Variants in DLGAP1 observed in about 807,000 individuals in gnomAD.
The protein encoded by DLGAP1 is DLG associated protein 1.
A neutral mutation model predicts 90.8 loss-of-function variants in DLGAP1; 11 were observed. The ratio of observed to expected loss-of-function variants is 0.12; its 90% CI spans 0.08 to 0.20. DLGAP1 has a LOEUF of 0.20. Ranked by LOEUF, DLGAP1 falls within the 10% of genes least tolerant of loss-of-function variation. The pLI is 1.00. For missense variants in DLGAP1, 1,050 were observed against 1,333.8 expected, an observed-to-expected ratio of 0.79 and a Z score of 3.31; for synonymous variants, 558 against 540.7, an observed-to-expected ratio of 1.03 and a Z score of -0.44.
At chr18:4,387,776 C>A (rs760223816) in intron 1 of DLGAP1, among the ~76,000 whole-genome samples, 1 of 152,242 alleles carries the variant, frequency 6.6e-6, no homozygotes, top group South Asian at 2.1e-4. Flanking sequence ...ACTAAAAATA[C>A]AAAAATTAGT....
intron 2 of DLGAP1, among the ~76,000 whole-genome samples, chr18:4,007,393 C>G (rs1044184677): frequency 1.3e-5 from 2 of 152,160 alleles, no homozygotes; most frequent in African/African-American, 4.8e-5. Flanking sequence ...CAGTGGCTCA[C>G]GCCTGTAATC....
At chr18:4,171,409 C>T (rs952282371) in intron 1 of DLGAP1, among the ~76,000 whole-genome samples, 6 of 151,446 alleles carry the variant, frequency 4.0e-5, no homozygotes, top group East Asian at 1.9e-4. Context: ...ACTAAAAATA[C>T]AAAAAATCAG....
chr18:3,821,510 C>T (rs957782990), intron 4 of DLGAP1, among the ~76,000 whole-genome samples: 11 of 152,140 alleles, frequency 7.2e-5, no homozygotes, highest in African/African-American at 2.7e-4. Flanking sequence ...TAAAATGTAA[C>T]CATTCAAATA....
chr18:4,435,191 T>C (rs1466120159), intron 1 of DLGAP1, among the ~76,000 whole-genome samples: 3 of 152,134 alleles, frequency 2.0e-5, no homozygotes, highest in East Asian at 3.9e-4. Context: ...GGAAAAGAGA[T>C]GATGCAGGTA....
chr18:4,428,879 A>G (rs1265828890), intron 1 of DLGAP1, among the ~76,000 whole-genome samples: 1 of 152,106 alleles, frequency 6.6e-6, no homozygotes, highest in East Asian at 1.9e-4. Flanking sequence ...AAATTCTTCC[A>G]CCACATTAAA....
intron 7 of DLGAP1, chr18:3,596,555 CTTTT>C: frequency 7.3e-5 from 14 of 191,690 alleles, no homozygotes; most frequent in South Asian, 2.0e-4. Context: ...GTTAGGAGAA[CTTTT>C]TTTTTTTTTT....
In DLGAP1 at chr18:3,846,043, GGTGTGTGT is replaced by G. The variant is rs35460885; in HGVS notation, c.958-31778_958-31771del. On this transcript the variant is annotated intron_variant, in intron 4 of 12. Coordinates refer to ENST00000315677, the MANE Select transcript of DLGAP1 (RefSeq NM_004746.4). Reference sequence around the variant, plus strand: ...TCCCAGAAAATCTTATTGAAAGTGTGGTGTGTGTGTGTGTGTGTGTGTGTGTGTGTGTG... The same window carrying G: ...TCCCAGAAAATCTTATTGAAAGTGTGGTGTGTGTGTGTGTGTGTGTGTGTG... 9.7e-5 allele frequency among the ~76,000 whole-genome samples: 14 copies of G among 145,016 alleles called. 1 individual carries two copies. Among genetic ancestry groups the G allele is most frequent in the African/African-American group, 1.5e-4 (6 of 38,980 alleles).
intron 2 of DLGAP1, among the ~76,000 whole-genome samples, chr18:4,071,635 CT>C (rs2075448820): frequency 6.6e-6 from 1 of 152,148 alleles, no homozygotes; most frequent in Non-Finnish European, 1.5e-5. Context: ...AGTGCTTACT[CT>C]TTCACAATGT....
At chr18:3,697,639 T>G (rs59603670) in intron 7 of DLGAP1, among the ~76,000 whole-genome samples, 42,518 of 151,988 alleles carry the variant, frequency 0.28, 6,970 homozygotes, top group East Asian at 0.46. Context: ...GTGTGATGTG[T>G]TGCTGAGAAG....
intron 3 of DLGAP1, among the ~76,000 whole-genome samples, chr18:3,882,692 C>T (rs925158302): frequency 6.6e-6 from 1 of 152,102 alleles, no homozygotes; most frequent in Non-Finnish European, 1.5e-5. Flanking sequence ...TTTCCAAGCT[C>T]GGATCTTCCG....
intron 6 of DLGAP1, among the ~76,000 whole-genome samples, chr18:3,737,396 C>T (rs1445381592): frequency 1.4e-5 from 2 of 145,968 alleles, no homozygotes; most frequent in Non-Finnish European, 3.0e-5. Context: ...CAAAACGAAT[C>T]CAGCAGCACA....
At chr18:3,845,833 A>G (rs2068977388) in intron 4 of DLGAP1, among the ~76,000 whole-genome samples, 1 of 152,246 alleles carries the variant, frequency 6.6e-6, no homozygotes, top group Admixed American at 6.5e-5. Flanking sequence ...TAACAAACAG[A>G]GAGATTTTAA....
intron 3 of DLGAP1, among the ~76,000 whole-genome samples, chr18:3,974,711 T>A (rs1371991228): frequency 6.6e-6 from 1 of 152,070 alleles, no homozygotes; most frequent in Non-Finnish European, 1.5e-5. Context: ...AGACCTAACA[T>A]AAAAAGGAGG....
At chr18:4,295,132 G>A (rs763327859) in intron 1 of DLGAP1, 3 of 152,244 alleles carry the variant, frequency 2.0e-5, no homozygotes, top group Non-Finnish European at 4.4e-5. Flanking sequence ...CTAGAGGGTG[G>A]GGCTTTTGCT....
intron 7 of DLGAP1, among the ~76,000 whole-genome samples, chr18:3,650,338 C>G: frequency 6.6e-6 from 1 of 152,134 alleles, no homozygotes; most frequent in Non-Finnish European, 1.5e-5. Flanking sequence ...GTCACCGTGC[C>G]TGGTTGAAAC....
At position 4,415,386 on chromosome 18, in the gene DLGAP1, G is replaced by A. The variant is rs539013880; in HGVS notation, c.-267+39620C>T. On this transcript the variant is annotated intron_variant, in intron 1 of 12. Transcript: ENST00000315677. ...ATAAAAGCTACAAAAATATTGTGGT[G>A]TTTGTAATATTAAAATTTATTACTT... Among the ~76,000 whole-genome samples, 5 of 152,196 alleles carry A rather than the reference G, an allele frequency of 3.3e-5. No homozygotes were observed. In the East Asian group the frequency reaches 9.6e-4, roughly 29 times the overall value.
rs1292486237 is a variant in DLGAP1 at position 3,526,367 on chromosome 18, T to C, written c.2479+7827A>G. Among the ~76,000 whole-genome samples the C allele has an allele frequency of 6.6e-6, 1 of 152,016 alleles. No individual in the cohort carries two copies. Among genetic ancestry groups the C allele is most frequent in the Non-Finnish European group, 1.5e-5 (1 of 68,000 alleles). On this transcript the variant is annotated intron_variant, in intron 10 of 12. Coordinates refer to ENST00000315677, the MANE Select transcript of DLGAP1 (RefSeq NM_004746.4). The surrounding 1 kb of genome is among the most constrained non-coding windows in gnomAD (Gnocchi z 4.7). ...CCTGGGTGATGGCACCGATAGACCATCACAATGACTGTGCACAGTTTCCGT... is the reference window on the plus strand; with the variant it reads ...CCTGGGTGATGGCACCGATAGACCACCACAATGACTGTGCACAGTTTCCGT...
At chr18:4,401,499 C>G (rs2082553565) in intron 1 of DLGAP1, among the ~76,000 whole-genome samples, 1 of 152,100 alleles carries the variant, frequency 6.6e-6, no homozygotes, top group Admixed American at 6.5e-5. Flanking sequence ...AAGAATTACA[C>G]TTATTGTCAG....
intron 1 of DLGAP1, among the ~76,000 whole-genome samples, chr18:4,324,801 T>G (rs2080779139): frequency 6.6e-6 from 1 of 151,978 alleles, no homozygotes; most frequent in South Asian, 2.1e-4. Flanking sequence ...AAAAGCCTTT[T>G]GATAAAATTC....
Sources: gnomAD v4.1 joint callset for allele counts (sites outside exome capture counted in the v4.1 genomes callset) on GRCh38, gnomAD v4.1.1 for gene constraint, Gnocchi (gnomAD v3.1) non-coding constraint, MANE v1.5 for transcripts, NCBI Gene and HGNC (gene_info 2026-07-23, HGNC 2026-07-21) for gene names.